Variants in TRHDE observed in about 807,000 individuals in gnomAD.
The protein encoded by TRHDE is thyrotropin-releasing hormone-degrading ectoenzyme.
Under a neutral mutation model 125.7 loss-of-function variants are expected in TRHDE, and 72 were observed. The observed-to-expected ratio is 0.57, with a 90% confidence interval of 0.47 to 0.70. The LOEUF (loss-of-function observed/expected upper bound fraction) is 0.70. TRHDE is among the 30% of genes least tolerant of loss of function. The probability of loss-of-function intolerance (pLI) is 0.00; values close to 1 mark genes in which losing one functional copy is unlikely to be tolerated. For missense variants in TRHDE, 1,110 were observed against 1,327.1 expected (o/e 0.84, Z 2.54); for synonymous variants, 509 against 509.1 (o/e 1.00, Z 0.00).
chr12:72,320,726 C>T (rs1183824244), intron 2 of TRHDE, among the ~76,000 whole-genome samples: 1 of 151,966 alleles, frequency 6.6e-6, no homozygotes, highest in Admixed American at 6.6e-5. Flanking sequence ...ATGGGTCAGC[C>T]GTTTTGCTTA....
chr12:72,396,371 G>T (rs1452908216), intron 3 of TRHDE, among the ~76,000 whole-genome samples: 1 of 152,090 alleles, frequency 6.6e-6, no homozygotes, highest in African/African-American at 2.4e-5. Flanking sequence ...CTCTAAGTTT[G>T]CTGTGTAATG....
At chr12:72,390,453 T>TA (rs1872576424) in intron 3 of TRHDE, among the ~76,000 whole-genome samples, 1 of 152,176 alleles carries the variant, frequency 6.6e-6, no homozygotes, top group African/African-American at 2.4e-5. Flanking sequence ...AAGGTGACCA[T>TA]TCTCATAAAC....
chr12:72,499,558 A>G lies in TRHDE; in HGVS notation c.1645A>G (p.Ser549Gly). ...AGTGATGCTGCTGGACGGTTTGGCC[A>G]GTTCCCATCCAGTATCACAGGAAGT... ...HEVMLLDGLA[S>G]SHPVSQEVLQ... Residue 549 changes from serine (S) to glycine (G), a missense_variant, in exon 6 of 19, where the codon AGT becomes GGT. Physicochemically the swap from Ser to Gly is moderately conservative, Grantham distance 56. This residue lies in a region of TRHDE where 527 missense variants were observed against 651.8 expected (regional missense o/e 0.81). Transcript: ENST00000261180. 4 of 1,613,954 alleles carry G rather than the reference A, an allele frequency of 2.5e-6. No homozygotes were observed. The highest frequency in any genetic ancestry group is 3.4e-6 in the Non-Finnish European group (4 of 1,179,900).
chr12:72,435,263 A>G lies in TRHDE; in HGVS notation c.1316-34495A>G, dbSNP rs952359693. Among the ~76,000 whole-genome samples the G allele has an allele frequency of 4.4e-4, 67 of 152,336 alleles. 1 individual carries two copies. Among genetic ancestry groups the G allele is most frequent in the African/African-American group, 1.5e-3 (62 of 41,580 alleles). On this transcript the variant is annotated intron_variant, in intron 3 of 18. Coordinates refer to ENST00000261180, the MANE Select transcript of TRHDE (RefSeq NM_013381.3). Reference sequence around the variant, plus strand: ...ATACCTGGTCCCCAGATGAATTAGTATCTAGTTTAATAATCTGTCCTCCCC... The same window carrying G: ...ATACCTGGTCCCCAGATGAATTAGTGTCTAGTTTAATAATCTGTCCTCCCC...
At chr12:72,253,472 A>C (rs1428331158) in intron 2 of TRHDE, 2 of 152,154 alleles carry the variant, frequency 1.3e-5, no homozygotes, top group Non-Finnish European at 2.9e-5. Flanking sequence ...AGAGAAAAGC[A>C]TTCTGTCTTT....
intron 2 of TRHDE, among the ~76,000 whole-genome samples, chr12:72,296,509 G>A (rs1305963786): frequency 6.6e-6 from 1 of 152,034 alleles, no homozygotes; most frequent in Non-Finnish European, 1.5e-5. Flanking sequence ...CAGTGCCTGA[G>A]TATTGTTGAT....
chr12:72,555,700 T>C (rs1869889226), intron 7 of TRHDE, among the ~76,000 whole-genome samples: 1 of 152,196 alleles, frequency 6.6e-6, no homozygotes, highest in African/African-American at 2.4e-5. Context: ...TCCTTGCTCC[T>C]GTTTCTCAAG....
intron 2 of TRHDE, among the ~76,000 whole-genome samples, chr12:72,364,428 C>T (rs562043093): frequency 6.6e-6 from 1 of 151,976 alleles, no homozygotes; most frequent in Non-Finnish European, 1.5e-5. Flanking sequence ...ATTTAACATC[C>T]TATAAATTGT....
chr12:72,515,070 C>T (rs1878780454), intron 6 of TRHDE, among the ~76,000 whole-genome samples: 1 of 137,230 alleles, frequency 7.3e-6, no homozygotes, highest in African/African-American at 3.0e-5. Context: ...CAAGTCTTTG[C>T]TATTGTGAAT....
chr12:72,443,798 G>C (rs1875139988), intron 3 of TRHDE, among the ~76,000 whole-genome samples: 1 of 151,756 alleles, frequency 6.6e-6, no homozygotes, highest in Non-Finnish European at 1.5e-5. Context: ...GGCTGCTATA[G>C]AAAGAGCGTG....
At chr12:72,621,575 T>A in intron 14 of TRHDE, 69 bp from the exon 15 acceptor site, 1 of 1,127,330 alleles carries the variant, frequency 8.9e-7, no homozygotes, top group Non-Finnish European at 1.3e-6. Context: ...ATAATTTACT[T>A]ATCTACTATT....
At chr12:72,292,396 A>G (rs889708505) in intron 2 of TRHDE, among the ~76,000 whole-genome samples, 2 of 152,188 alleles carry the variant, frequency 1.3e-5, no homozygotes, top group African/African-American at 4.8e-5. Flanking sequence ...TGGCTCTTTT[A>G]TATTTCCTCT....
chr12:72,240,796 T>C lies in TRHDE; in HGVS notation n.279+135044T>C, dbSNP rs575807396. 2.6e-5 allele frequency among the ~76,000 whole-genome samples: 4 copies of C among 152,194 alleles called. No individual in the cohort carries two copies. The East Asian group carries it at 7.7e-4, about 29-fold the overall frequency. ...ACCGTGTTAGCCAGGATGGTCTCGA[T>C]TTCCTGACCTCGTGATCCACCCACC... On this transcript the variant is annotated intron_variant and non_coding_transcript_variant, in intron 2 of 4. Coordinates refer to the TRHDE transcript ENST00000548156.
intron 3 of TRHDE, among the ~76,000 whole-genome samples, chr12:72,408,353 A>T (rs531017608): frequency 8.5e-5 from 13 of 152,294 alleles, no homozygotes; most frequent in African/African-American, 2.9e-4. Flanking sequence ...TGTGATTATT[A>T]AACACCCAAA....
At chr12:72,439,970 G>C (rs955911336) in intron 3 of TRHDE, among the ~76,000 whole-genome samples, 1 of 151,884 alleles carries the variant, frequency 6.6e-6, no homozygotes, top group African/African-American at 2.4e-5. Context: ...TATCAAGAAA[G>C]GATATTGGAT....
intron 12 of TRHDE, 118 bp from the exon 13 acceptor site, chr12:72,618,773 T>C: frequency 1.3e-6 from 1 of 785,900 alleles, no homozygotes; most frequent in Non-Finnish European, 1.9e-6. Flanking sequence ...TTTATTCTTA[T>C]AACACTGAAT....
At chr12:72,594,546 A>C (rs1371788483) in intron 12 of TRHDE, among the ~76,000 whole-genome samples, 1 of 151,322 alleles carries the variant, frequency 6.6e-6, no homozygotes, top group African/African-American at 2.4e-5. Flanking sequence ...AGTACAAATA[A>C]GAATTACTCA....
intron 3 of TRHDE, among the ~76,000 whole-genome samples, chr12:72,412,483 A>G (rs1873554132): frequency 1.3e-5 from 2 of 152,094 alleles, no homozygotes; most frequent in Non-Finnish European, 2.9e-5. Context: ...ACTATGCATC[A>G]ATTTAGGAAG....
chr12:72,596,985 G>A (rs1198911901), intron 12 of TRHDE, among the ~76,000 whole-genome samples: 1 of 152,166 alleles, frequency 6.6e-6, no homozygotes, highest in East Asian at 1.9e-4. Flanking sequence ...TCCAGATAGT[G>A]GATATACAAA....
Sources: gnomAD v4.1 joint callset for allele counts (sites outside exome capture counted in the v4.1 genomes callset) on GRCh38, gnomAD v4.1.1 for gene constraint, gnomAD v4.1.1 regional missense constraint, MANE v1.5 for transcripts, NCBI Gene and HGNC (gene_info 2026-07-23, HGNC 2026-07-21) for gene names.